Variants in GRIN3A observed in about 807,000 individuals in gnomAD.
GRIN3A encodes the protein glutamate ionotropic receptor NMDA type subunit 3A, also known as glutamate receptor ionotropic, NMDA 3A.
A neutral mutation model predicts 92.4 loss-of-function variants in GRIN3A; 47 were observed. That is an observed-to-expected ratio of 0.51 (90% confidence interval 0.40 to 0.65). GRIN3A has a LOEUF of 0.65. Among genes scored for constraint, GRIN3A ranks in the 30% least tolerant of loss-of-function variants. The probability of loss-of-function intolerance (pLI) is 0.00; values close to 1 mark genes in which losing one functional copy is unlikely to be tolerated. For synonymous variants in GRIN3A, 527 were observed against 540.6 expected, an observed-to-expected ratio of 0.97 and a Z score of 0.35; for missense variants, 1,324 against 1,393.1, an observed-to-expected ratio of 0.95 and a Z score of 0.79.
rs1827740772 is a variant in GRIN3A, at chr9:101,570,274, C to G, written c.*2900G>C. 6.6e-6 allele frequency: 1 copy of G among 152,440 alleles called. No homozygotes were observed. Among genetic ancestry groups the G allele is most frequent in the Admixed American group, 6.5e-5 (1 of 15,268 alleles). The allele number at this position is 152,440 out of a possible 1,614,324, so 9.4% of individuals were successfully genotyped here. A position where few individuals can be genotyped will look rare whatever the true frequency, so the allele number is the denominator to read the frequency against. ...AAAAGCAAGGTAGCGTCCCTTATCT[C>G]TTTCTTCTTTACCAGAATACCACCC... On this transcript the variant is annotated 3_prime_UTR_variant, in exon 9 of 9. Transcript: ENST00000361820.
intron 1 of GRIN3A, among the ~76,000 whole-genome samples, chr9:101,728,719 C>T (rs1355238451): frequency 6.6e-6 from 1 of 152,146 alleles, no homozygotes; most frequent in Admixed American, 6.5e-5. Flanking sequence ...TTAAATGCGA[C>T]TCAGGGTTAA....
chr9:101,687,370 A>G (rs932713841), intron 1 of GRIN3A, among the ~76,000 whole-genome samples, 170 bp from the exon 2 acceptor site: 1 of 152,188 alleles, frequency 6.6e-6, no homozygotes, highest in African/African-American at 2.4e-5. Flanking sequence ...TAATGGAACT[A>G]TTGATTCCTA....
chr9:101,656,183 A>G (rs1829086652), intron 3 of GRIN3A, among the ~76,000 whole-genome samples: 1 of 151,980 alleles, frequency 6.6e-6, no homozygotes, highest in Non-Finnish European at 1.5e-5. Context: ...TAGAGGATAG[A>G]CTGATTTGTG....
chr9:101,665,969 A>C (rs2417288), intron 3 of GRIN3A, among the ~76,000 whole-genome samples: 51,076 of 151,626 alleles, frequency 0.34, 9,474 homozygotes, highest in Non-Finnish European at 0.41. Context: ...TCTGATAACC[A>C]CTGACAAGAA....
intron 8 of GRIN3A, among the ~76,000 whole-genome samples, chr9:101,577,341 A>G (rs1460447830): frequency 6.6e-6 from 1 of 152,228 alleles, no homozygotes; most frequent in Non-Finnish European, 1.5e-5. Context: ...TTTGTACATA[A>G]TAATAGCTAA....
chr9:101,737,747 C>T lies in GRIN3A; in HGVS notation c.233G>A (p.Arg78Lys). ...APDDSRAGAQ[R>K]DEPEPGTRRS... is the part of the protein sequence containing the mutation. ...CCTAGTCCCTGGCTCCGGCTCATCC[C>T]TCTGGGCTCCTGCTCGGCTGTCGTC... is the stretch of plus-strand genomic sequence containing the variant. The change falls in exon 1 of 9, where the codon AGG becomes AAG. Residue 78 changes from arginine (R) to lysine (K), a missense_variant. Coordinates refer to ENST00000361820, the MANE Select transcript of GRIN3A (RefSeq NM_133445.3). 2.0e-6 allele frequency: 3 copies of T among 1,529,428 alleles called. No individual in the cohort carries two copies. Among genetic ancestry groups the T allele is most frequent in the South Asian group, 1.2e-5 (1 of 82,814 alleles). The allele number at this position is 1,529,428 out of a possible 1,614,324, so 94.7% of individuals were successfully genotyped here. A position where few individuals can be genotyped will look rare whatever the true frequency, so the allele number is the denominator to read the frequency against.
At chr9:101,592,634 A>G (rs1828046595) in intron 6 of GRIN3A, 1 of 152,242 alleles carries the variant, frequency 6.6e-6, no homozygotes, top group South Asian at 2.1e-4. Context: ...TTAGGGTTGA[A>G]CAGGAATTGA....
intron 3 of GRIN3A, among the ~76,000 whole-genome samples, chr9:101,662,359 A>G (rs547831259): frequency 6.6e-6 from 1 of 151,838 alleles, no homozygotes; most frequent in East Asian, 2.0e-4. Flanking sequence ...TATTGTTACT[A>G]TTATTTTGTG....
At chr9:101,594,877 A>G (rs1828095090) in intron 6 of GRIN3A, 3 of 1,601,840 alleles carry the variant, frequency 1.9e-6, no homozygotes, top group Non-Finnish European at 2.5e-6. Flanking sequence ...CATCATTGTC[A>G]AAGTGGGAGC....
chr9:101,664,065 C>T (rs973140657), intron 3 of GRIN3A, among the ~76,000 whole-genome samples: 6 of 151,788 alleles, frequency 4.0e-5, no homozygotes, highest in Non-Finnish European at 7.4e-5. Context: ...ATTTTCTCAT[C>T]CCATCTTAGA....
chr9:101,665,659 C>T (rs796362226), intron 3 of GRIN3A, among the ~76,000 whole-genome samples: 17 of 151,838 alleles, frequency 1.1e-4, no homozygotes, highest in African/African-American at 3.1e-4. Flanking sequence ...GGGGAATTTT[C>T]GGCTTACGGC....
At chr9:101,665,900 G>A (rs1006939559) in intron 3 of GRIN3A, among the ~76,000 whole-genome samples, 7 of 151,976 alleles carry the variant, frequency 4.6e-5, no homozygotes, top group African/African-American at 7.2e-5. Context: ...ACACATGCAT[G>A]TATGCATGCA....
At chr9:101,688,931 G>A (rs1241841428) in intron 1 of GRIN3A, among the ~76,000 whole-genome samples, 1 of 152,148 alleles carries the variant, frequency 6.6e-6, no homozygotes, top group Non-Finnish European at 1.5e-5. Context: ...AGGCAAAAGA[G>A]AGAAAGGTCT....
chr9:101,640,194 C>T (rs1828837328), intron 3 of GRIN3A, among the ~76,000 whole-genome samples: 5 of 152,198 alleles, frequency 3.3e-5, no homozygotes, highest in Admixed American at 3.3e-4. Context: ...AGCATTTACA[C>T]TTGAGACAAT....
Position 101,621,297 on chromosome 9 carries a change from AAC to A in GRIN3A, c.2614+2019_2614+2020del, listed in dbSNP as rs569807232. ...GAGACTCAGTCTCAAAAAAAAAAAAAACAATTTGTGAAATTCATATTTTTAAG... is the reference window on the plus strand; with the variant it reads ...GAGACTCAGTCTCAAAAAAAAAAAAAAATTTGTGAAATTCATATTTTTAAG... On this transcript the variant is annotated intron_variant, in intron 5 of 8. Transcript: ENST00000361820. Among the ~76,000 whole-genome samples, 1,087 of 150,418 alleles carry A rather than the reference AAC, an allele frequency of 7.2e-3. 12 individuals are homozygous for A. The highest frequency in any genetic ancestry group is 0.026 in the African/African-American group (1,047 of 40,812).
chr9:101,712,197 A>G (rs62576333), intron 1 of GRIN3A, among the ~76,000 whole-genome samples: 1 of 152,184 alleles, frequency 6.6e-6, no homozygotes, highest in Non-Finnish European at 1.5e-5. Context: ...TTAATTAACA[A>G]TTCTTTTCAT....
rs184501399 is a variant in GRIN3A, at chr9:101,680,966, T to G, written c.1304+5630A>C. On this transcript the variant is annotated intron_variant, in intron 2 of 8. Coordinates refer to ENST00000361820, the MANE Select transcript of GRIN3A (RefSeq NM_133445.3). The stretch of plus-strand genomic sequence containing the variant: ...GCTAATTAGTCAAAGGGTTAGGGAC[T>G]TCTTAGGCCAAGAACAACAATGTGT... 1.6e-4 allele frequency among the ~76,000 whole-genome samples: 24 copies of G among 152,354 alleles called. 1 individual carries two copies. The highest frequency in any genetic ancestry group is 1.4e-3 in the Admixed American group (21 of 15,304).
intron 1 of GRIN3A, among the ~76,000 whole-genome samples, chr9:101,725,363 C>T (rs900683287): frequency 3.3e-5 from 5 of 151,706 alleles, no homozygotes; most frequent in African/African-American, 1.2e-4. Flanking sequence ...AGAATTGATG[C>T]AAGAAGGTAA....
intron 1 of GRIN3A, among the ~76,000 whole-genome samples, chr9:101,687,923 A>G (rs1324932859): frequency 6.6e-6 from 1 of 152,230 alleles, no homozygotes; most frequent in East Asian, 1.9e-4. Context: ...TCATGGAAGA[A>G]GAGAAACTTA....
Sources: gnomAD v4.1 joint callset for allele counts (sites outside exome capture counted in the v4.1 genomes callset) on GRCh38, gnomAD v4.1.1 for gene constraint, MANE v1.5 for transcripts, NCBI Gene and HGNC (gene_info 2026-07-23, HGNC 2026-07-21) for gene names.